The following S1PR3 variants were observed in gnomAD, a reference collection of about 807,000 sequenced individuals.
S1PR3 encodes the protein sphingosine 1-phosphate receptor 3.
In S1PR3, 12 loss-of-function variants were observed where a neutral mutation model predicts 13.3. That is an observed-to-expected ratio of 0.90 (90% CI 0.58 to 1.46). S1PR3 has a LOEUF of 1.46. Ranked by LOEUF, S1PR3 falls within the 40% of genes most tolerant of loss-of-function variation. The pLI, the probability that S1PR3 is intolerant of heterozygous loss-of-function variation, is 0.00. For missense variants in S1PR3, 450 were observed against 501.9 expected (o/e 0.90, Z 0.99); for synonymous variants, 232 against 214.0 (o/e 1.08, Z -0.73).
rs199731931 is a variant in S1PR3 at position 89,001,471 on chromosome 9, G to A, written c.271G>A (p.Ala91Thr). 3.7e-6 allele frequency: 6 copies of A among 1,614,178 alleles called. No individual in the cohort carries two copies. The highest frequency in any genetic ancestry group is 2.7e-5 in the African/African-American group (2 of 75,058). ...LALCDLLAGI[A>T]YKVNILMSGK... is the part of the protein sequence containing the mutation. ...TCTCTGCGACCTGCTGGCCGGCATC[G>A]CTTACAAGGTCAACATTCTGATGTC... Residue 91 changes from alanine to threonine, a missense_variant, in exon 2 of 2, where the codon GCT (alanine) becomes ACT (threonine). Coordinates refer to ENST00000358157, the MANE Select transcript of S1PR3 (RefSeq NM_005226.4).
Position 89,002,162 on chromosome 9 carries a change from G to T in S1PR3, c.962G>T (p.Arg321Leu), listed in dbSNP as rs138065168. Residue 321 changes from arginine (R) to leucine (L), a missense_variant, in exon 2 of 2, where the codon CGG becomes CTG. Arg to Leu is a moderately radical substitution (Grantham distance 102). Transcript: ENST00000358157. Reference protein sequence around the residue: ...RLVCNCLVRGRGARASPIQPA... With the variant: ...RLVCNCLVRGLGARASPIQPA... ...GTCTGCAACTGCCTGGTCAGGGGAC[G>T]GGGGGCCCGCGCCTCACCCATCCAG... The T allele has an allele frequency of 6.8e-4, 1,096 of 1,613,722 alleles. 1 individual carries two copies. The highest frequency in any genetic ancestry group is 8.8e-4 in the Non-Finnish European group (1,044 of 1,180,018).
intron 1 of S1PR3, chr9:88,994,602 C>T (rs1433667215): frequency 6.0e-6 from 1 of 166,312 alleles, no homozygotes; most frequent in East Asian, 1.9e-4. Context: ...CTTGCCTTCC[C>T]ACACACAAGT....
chr9:88,997,109 AT>A (rs1389641796), intron 1 of S1PR3: 1 of 152,242 alleles, frequency 6.6e-6, no homozygotes, highest in Non-Finnish European at 1.5e-5. Flanking sequence ...TCTTCCACTT[AT>A]GCAAAATGCA....
intron 1 of S1PR3, chr9:88,994,313 A>C (rs1825770512): frequency 6.0e-6 from 1 of 167,126 alleles, no homozygotes; most frequent in African/African-American, 2.4e-5. Flanking sequence ...TGCTATGTCC[A>C]TGGTGCAAGG....
At chr9:88,997,582 G>A (rs1279083086) in intron 1 of S1PR3, 1 of 152,244 alleles carries the variant, frequency 6.6e-6, no homozygotes, top group Non-Finnish European at 1.5e-5. Context: ...CTAAAAGGAT[G>A]AGGAACATGG....
Position 89,004,484 on chromosome 9 carries a change from T to G in S1PR3, c.*2147T>G, listed in dbSNP as rs552737647. 4 of 167,252 alleles carry G rather than the reference T, an allele frequency of 2.4e-5. No individual in the cohort carries two copies. The highest frequency in any genetic ancestry group is 9.6e-5 in the African/African-American group (4 of 41,592). 10.4% of individuals were successfully genotyped at this position (167,252 alleles called of 1,614,324 possible). A position where few individuals can be genotyped will look rare whatever the true frequency, so the allele number is the denominator to read the frequency against. On this transcript the variant is annotated 3_prime_UTR_variant, in exon 2 of 2. Coordinates refer to ENST00000358157, the MANE Select transcript of S1PR3 (RefSeq NM_005226.4). The stretch of plus-strand genomic sequence containing the variant: ...CAGTATTGCATTTTCACATAGGTGA[T>G]GAAATGACTTTGGAACTTTATCTGT...
rs1825886793 is a variant in S1PR3, at chr9:89,002,764, T to G, written c.*427T>G. The G allele has an allele frequency of 4.6e-6, 1 of 218,060 alleles. No homozygotes were observed. The highest frequency in any genetic ancestry group is 1.0e-5 in the Non-Finnish European group (1 of 98,638). 13.5% of individuals were successfully genotyped at this position (218,060 alleles called of 1,614,324 possible). Reference sequence around the variant, plus strand: ...GTACATCTCTATGTTACACAGAATTTGTGTTGCAGGTGTTTGCCATGTGGT... The same window carrying G: ...GTACATCTCTATGTTACACAGAATTGGTGTTGCAGGTGTTTGCCATGTGGT... On this transcript the variant is annotated 3_prime_UTR_variant, in exon 2 of 2. Transcript: ENST00000358157.
rs1038762711 is a variant in S1PR3 at position 88,991,562 on chromosome 9, G to A, written c.-281G>A. The stretch of plus-strand genomic sequence containing the variant: ...CGACCGAGCAGGACCCCAGGCCCGG[G>A]AACGACGTCGCGAGCGCTGAGACTG... On this transcript the variant is annotated 5_prime_UTR_variant, in exon 1 of 2. Coordinates refer to ENST00000358157, the MANE Select transcript of S1PR3 (RefSeq NM_005226.4). The surrounding 1 kb of genome is among the most constrained non-coding windows in gnomAD (Gnocchi z 4.0). 5 of 1,545,476 alleles carry A rather than the reference G, an allele frequency of 3.2e-6. No homozygotes were observed. The highest frequency in any genetic ancestry group is 1.7e-4 in the Middle Eastern group (1 of 5,950).
chr9:88,997,929 A>G (rs1355129779), intron 1 of S1PR3: 4 of 152,324 alleles, frequency 2.6e-5, no homozygotes, highest in Non-Finnish European at 5.9e-5. Flanking sequence ...TTCCATGAGC[A>G]TGAGTGGCTG....
rs1825711935 is a variant in S1PR3, at chr9:88,991,707, G to A, written c.-148+12G>A. ...CTCAGCCGACGGAGGTGAGAGGCGGGCCCGGGCGGGGCGCGGAACCAGGGT... is the reference window on the plus strand; with the variant it reads ...CTCAGCCGACGGAGGTGAGAGGCGGACCCGGGCGGGGCGCGGAACCAGGGT... On this transcript the variant is annotated intron_variant, in intron 1 of 1. Coordinates refer to ENST00000358157, the MANE Select transcript of S1PR3 (RefSeq NM_005226.4). This position sits in a 1 kb window ranked among gnomAD's most constrained non-coding sequence, Gnocchi z 4.0. 4 of 1,528,244 alleles carry A rather than the reference G, an allele frequency of 2.6e-6. No individual in the cohort carries two copies. Among genetic ancestry groups the A allele is most frequent in the Non-Finnish European group, 3.5e-6 (4 of 1,136,534 alleles). 94.7% of individuals were successfully genotyped at this position (1,528,244 alleles called of 1,614,324 possible). A position where few individuals can be genotyped will look rare whatever the true frequency, so the allele number is the denominator to read the frequency against.
rs1762045521 is a variant in S1PR3, at chr9:88,992,031, G to T, written c.-148+336G>T. Reference sequence around the variant, plus strand: ...GTGCCAGGGCCTGGGGATGCTGGACGTGGGAGAGGGTTGTGGTCGTTAGCC... The same window carrying T: ...GTGCCAGGGCCTGGGGATGCTGGACTTGGGAGAGGGTTGTGGTCGTTAGCC... On this transcript the variant is annotated intron_variant, in intron 1 of 1. Coordinates refer to ENST00000358157, the MANE Select transcript of S1PR3 (RefSeq NM_005226.4). 5.6e-6 allele frequency: 9 copies of T among 1,612,366 alleles called. No homozygotes were observed. In the South Asian group the frequency reaches 8.8e-5, roughly 16 times the overall value.
intron 1 of S1PR3, chr9:88,994,357 C>T (rs1426425301): frequency 1.8e-5 from 3 of 167,106 alleles, no homozygotes; most frequent in East Asian, 1.9e-4. Context: ...GTGAGACTGC[C>T]GCTTTGGGAA....
Position 89,002,166 on chromosome 9 carries a change from G to A in S1PR3, c.966G>A (p.Gly322=), listed in dbSNP as rs749109574. The part of the protein sequence containing the change: ...LVCNCLVRGR[G]ARASPIQPAL... ...GCAACTGCCTGGTCAGGGGACGGGG[G>A]GCCCGCGCCTCACCCATCCAGCCTG... Residue 322 remains glycine (G), a synonymous_variant, in exon 2 of 2, where the codon GGG becomes GGA. Coordinates refer to ENST00000358157, the MANE Select transcript of S1PR3 (RefSeq NM_005226.4). 6 of 1,613,788 alleles carry A rather than the reference G, an allele frequency of 3.7e-6. No homozygotes were observed. The highest frequency in any genetic ancestry group is 1.3e-5 in the African/African-American group (1 of 74,876).
chr9:88,991,169 G>T (rs769608875), upstream of S1PR3: 13 of 1,605,706 alleles, frequency 8.1e-6, no homozygotes, highest in African/African-American at 6.7e-5. The surrounding 1 kb of genome is among the most constrained non-coding windows in gnomAD (Gnocchi z 4.0). Context: ...CCTGGAGCTC[G>T]CCCGATGAGG....
In S1PR3 at chr9:89,001,591, G is replaced by A. The variant is rs564201526; in HGVS notation, c.391G>A (p.Ala131Thr). Residue 131 changes from alanine to threonine, a missense_variant, in exon 2 of 2, where the codon GCC becomes ACC. By Grantham distance (58) the Ala-to-Thr change is moderately conservative. Coordinates refer to ENST00000358157, the MANE Select transcript of S1PR3 (RefSeq NM_005226.4). ...ALGASTCSLL[A>T]IAIERHLTMI... ...TGGGGCGTCCACCTGCAGCTTACTG[G>A]CCATCGCCATCGAGCGGCACTTGAC... is the stretch of plus-strand genomic sequence containing the variant. 3 of 1,614,216 alleles carry A rather than the reference G, an allele frequency of 1.9e-6. No homozygotes were observed. The highest frequency in any genetic ancestry group is 2.2e-5 in the East Asian group (1 of 44,874).
intron 1 of S1PR3, chr9:88,999,295 G>A (rs1379435797): frequency 6.6e-6 from 1 of 152,044 alleles, no homozygotes. Flanking sequence ...CAAGCTCCAG[G>A]ACACTGGAAA....
upstream of S1PR3, chr9:88,990,889 G>A: frequency 7.1e-7 from 1 of 1,401,386 alleles, no homozygotes; most frequent in Non-Finnish European, 9.7e-7. Flanking sequence ...CCAGGCAGGC[G>A]CCGGAGGGGA....
In S1PR3 at chr9:89,001,997, A is replaced by C. The variant is rs776448276; in HGVS notation, c.797A>C (p.Asp266Ala). 6.2e-7 allele frequency: 1 copy of C among 1,613,952 alleles called. No homozygotes were observed. The highest frequency in any genetic ancestry group is 8.5e-7 in the Non-Finnish European group (1 of 1,179,990). Residue 266 changes from aspartate to alanine, a missense_variant, in exon 2 of 2, where the codon GAT becomes GCT. Coordinates refer to ENST00000358157, the MANE Select transcript of S1PR3 (RefSeq NM_005226.4). The part of the protein sequence containing the change: ...WSPLFILFLI[D>A]VACRVQACPI... ...CCACTCTTCATCCTCTTCCTCATTGATGTGGCCTGCAGGGTGCAGGCGTGC... is the reference window on the plus strand; with the variant it reads ...CCACTCTTCATCCTCTTCCTCATTGCTGTGGCCTGCAGGGTGCAGGCGTGC...
chr9:88,991,261 G>A (rs1038457883), upstream of S1PR3: 4 of 1,548,020 alleles, frequency 2.6e-6, no homozygotes, highest in Admixed American at 3.9e-5. The surrounding 1 kb of genome is among the most constrained non-coding windows in gnomAD (Gnocchi z 4.0). Flanking sequence ...GGGAGAAGGG[G>A]TCCAGGCTAG....
Sources: gnomAD v4.1 joint callset for allele counts on GRCh38, gnomAD v4.1.1 for gene constraint, Gnocchi (gnomAD v3.1) non-coding constraint, MANE v1.5 for transcripts, NCBI Gene and HGNC (gene_info 2026-07-23, HGNC 2026-07-21) for gene names.